PCLO: variants seen among roughly 807,000 people sequenced by gnomAD.
PCLO encodes the protein piccolo presynaptic cytomatrix protein.
In PCLO, 82 loss-of-function variants were observed where a neutral mutation model predicts 427.5. The observed-to-expected ratio is 0.19, with a 90% CI of 0.16 to 0.23. PCLO has a LOEUF of 0.23. Ranked by LOEUF, PCLO falls within the 10% of genes least tolerant of loss-of-function variation. The probability of loss-of-function intolerance (pLI) is 1.00; values close to 1 mark genes in which losing one functional copy is unlikely to be tolerated. For missense variants in PCLO, 6,239 were observed against 6,115.9 expected (o/e 1.02, Z -0.67); for synonymous variants, 2,357 against 2,155.4 (o/e 1.09, Z -2.59).
intron 9 of PCLO, among the ~76,000 whole-genome samples, chr7:82,881,876 C>T (rs112802945): frequency 2.0e-5 from 3 of 152,050 alleles, no homozygotes; most frequent in Non-Finnish European, 4.4e-5. Flanking sequence ...CTCCTAGGCT[C>T]AAGTGACCCT....
chr7:83,114,954 C>A (rs561727377), intron 3 of PCLO, among the ~76,000 whole-genome samples: 1 of 152,046 alleles, frequency 6.6e-6, no homozygotes, highest in Non-Finnish European at 1.5e-5. Context: ...TTAGATAATA[C>A]CTGCATAGTT....
At chr7:83,043,016 T>C (rs1397680048) in intron 3 of PCLO, among the ~76,000 whole-genome samples, 1 of 152,174 alleles carries the variant, frequency 6.6e-6, no homozygotes, top group Non-Finnish European at 1.5e-5. Flanking sequence ...ACTACTGAGA[T>C]TTGGGGTTGA....
At position 82,916,008 on chromosome 7, in the gene PCLO, G is replaced by A. The variant is rs745597764; in HGVS notation, c.11978C>T (p.Thr3993Met). 12 of 1,612,548 alleles carry A rather than the reference G, an allele frequency of 7.4e-6. No homozygotes were observed. Among genetic ancestry groups the A allele is most frequent in the East Asian group, 4.5e-5 (2 of 44,864 alleles). ...ATGGGAAACAGCAAATGTGTTATCCGTAGAAACAGGTGCTATCATAAGGGG... is the reference window on the plus strand; with the variant it reads ...ATGGGAAACAGCAAATGTGTTATCCATAGAAACAGGTGCTATCATAAGGGG... ...NQPLMIAPVS[T>M]DNTFAVSHLG... Residue 3993 changes from threonine to methionine, a missense_variant, in exon 7 of 25, where the codon ACG (threonine) becomes ATG (methionine). Thr to Met is a moderately conservative substitution (Grantham distance 81). This residue lies in a region of PCLO where 680 missense variants were observed against 677.3 expected (regional missense o/e 1.00). Transcript: ENST00000333891.
rs540606670 is a variant in PCLO at position 82,902,624 on chromosome 7, A to T, written c.13528+27T>A. 3 of 1,322,654 alleles carry T rather than the reference A, an allele frequency of 2.3e-6. No homozygotes were observed. The Admixed American group carries it at 6.1e-5, about 27-fold the overall frequency. The allele number at this position is 1,322,654 out of a possible 1,614,324, so 81.9% of individuals were successfully genotyped here. A position where few individuals can be genotyped will look rare whatever the true frequency, so the allele number is the denominator to read the frequency against. ...CAAAACAAAACAAAAAAACAAAAAA[A>T]ATATTAGATTATATGATTTGCTTTA... is the stretch of plus-strand genomic sequence containing the variant. On this transcript the variant is annotated intron_variant, in intron 9 of 24. Coordinates refer to ENST00000333891, the MANE Select transcript of PCLO (RefSeq NM_033026.6).
chr7:83,064,692 T>C (rs754931718), intron 3 of PCLO, among the ~76,000 whole-genome samples: 1 of 152,046 alleles, frequency 6.6e-6, no homozygotes, highest in African/African-American at 2.4e-5. Flanking sequence ...CACCTATTAA[T>C]GTGTCTCTGA....
intron 3 of PCLO, among the ~76,000 whole-genome samples, chr7:83,090,908 A>T (rs1790361514): frequency 2.0e-5 from 3 of 152,056 alleles, no homozygotes; most frequent in Admixed American, 6.6e-5. Context: ...TTTGATTAGT[A>T]ACGAAGCCAC....
At position 83,156,189 on chromosome 7, in the gene PCLO, C is replaced by T; in HGVS notation, c.452G>A (p.Ser151Asn). 2 of 1,613,722 alleles carry T rather than the reference C, an allele frequency of 1.2e-6. No individual in the cohort carries two copies. Among genetic ancestry groups the T allele is most frequent in the Non-Finnish European group, 8.5e-7 (1 of 1,179,754 alleles). Residue 151 changes from serine (S) to asparagine (N), a missense_variant, in exon 2 of 25, where the codon AGT becomes AAT. Around this residue, in one of 5 missense-constraint regions of PCLO, gnomAD observed 4,677 missense variants for 4,468.4 expected, o/e 1.05. Transcript: ENST00000333891. Reference sequence around the variant, plus strand: ...CTCTGAGAGGAAGCCAGGCATCATACTAGACTTGTGCTCTTCCTTTAAATC... The same window carrying T: ...CTCTGAGAGGAAGCCAGGCATCATATTAGACTTGTGCTCTTCCTTTAAATC... ...RTDLKEEHKSSMMPGFLSEVN... is the reference protein window; with the variant it reads ...RTDLKEEHKSNMMPGFLSEVN...
chr7:83,043,421 T>C (rs1254700182), intron 3 of PCLO, among the ~76,000 whole-genome samples: 3 of 152,202 alleles, frequency 2.0e-5, no homozygotes, highest in Non-Finnish European at 2.9e-5. Flanking sequence ...ATGCAATGCA[T>C]AAGCTCATTT....
chr7:83,072,747 G>A (rs1055563701), intron 3 of PCLO, among the ~76,000 whole-genome samples: 6 of 151,966 alleles, frequency 3.9e-5, no homozygotes, highest in African/African-American at 1.4e-4. Context: ...GTATTCCTCT[G>A]TATCTATACA....
intron 3 of PCLO, among the ~76,000 whole-genome samples, chr7:83,019,490 C>G (rs1364660294): frequency 6.6e-6 from 1 of 151,128 alleles, no homozygotes; most frequent in South Asian, 2.1e-4. Context: ...TAAATTTATA[C>G]AAAGAGTATC....
At chr7:82,892,239 A>T (rs763810132) in intron 9 of PCLO, among the ~76,000 whole-genome samples, 1 of 152,166 alleles carries the variant, frequency 6.6e-6, no homozygotes, top group Non-Finnish European at 1.5e-5. Context: ...ATATAGATCA[A>T]TGTAACAGGA....
chr7:82,916,688 T>C lies in PCLO; in HGVS notation c.11298A>G (p.Ile3766Met), dbSNP rs781496133. The C allele has an allele frequency of 6.2e-7, 1 of 1,613,556 alleles. No homozygotes were observed. Among genetic ancestry groups the C allele is most frequent in the Non-Finnish European group, 8.5e-7 (1 of 1,179,738 alleles). ...TTTCCACAAGATCAAGCTCTCTGTC[T>C]ATGTCCTGGAGAATCTTGGCTCGTG... ...TMARAKILQD[I>M]DRELDLVERE... Residue 3766 changes from isoleucine (I) to methionine (M), a missense_variant, in exon 7 of 25, where the codon ATA (isoleucine) becomes ATG (methionine). By Grantham distance (10) the Ile-to-Met change is conservative. Around this residue, in one of 5 missense-constraint regions of PCLO, gnomAD observed 4,677 missense variants for 4,468.4 expected, o/e 1.05. Coordinates refer to ENST00000333891, the MANE Select transcript of PCLO (RefSeq NM_033026.6).
intron 13 of PCLO, among the ~76,000 whole-genome samples, 160 bp from the exon 14 acceptor site, chr7:82,841,669 G>A (rs1584035500): frequency 6.6e-6 from 1 of 151,820 alleles, no homozygotes; most frequent in Non-Finnish European, 1.5e-5. Context: ...GTCTACTTAC[G>A]GTTCTCAATA....
At chr7:82,985,207 T>C (rs1796231496) in intron 3 of PCLO, among the ~76,000 whole-genome samples, 1 of 152,048 alleles carries the variant, frequency 6.6e-6, no homozygotes, top group Admixed American at 6.6e-5. Context: ...GAAAAGCAAT[T>C]ATAATGGCAC....
chr7:82,862,147 A>C (rs2115919817), intron 10 of PCLO, among the ~76,000 whole-genome samples: 1 of 152,190 alleles, frequency 6.6e-6, no homozygotes, highest in East Asian at 1.9e-4. Flanking sequence ...ATAAAAATAC[A>C]AAAGCTCAAC....
At chr7:82,890,176 C>T (rs1198651797) in intron 9 of PCLO, among the ~76,000 whole-genome samples, 4 of 151,930 alleles carry the variant, frequency 2.6e-5, no homozygotes, top group African/African-American at 9.7e-5. Context: ...CCTTTGAGAT[C>T]TCTAGCTATA....
rs1787769836 is a variant in PCLO at position 82,999,852 on chromosome 7, TA to T, written c.3301-33366del. ...AATATTAAATATAAAATATAATATA[TA>T]ATATTATATAAAATATAATATATAA... On this transcript the variant is annotated intron_variant, in intron 3 of 24. Transcript: ENST00000333891. Among the ~76,000 whole-genome samples, 2 of 49,556 alleles carry T rather than the reference TA, an allele frequency of 4.0e-5. 1 individual carries two copies. The highest frequency in any genetic ancestry group is 5.9e-5 in the Non-Finnish European group (2 of 33,620). The allele number at this position is 49,556 out of a possible 152,430, so 32.5% of individuals were successfully genotyped here.
In PCLO at chr7:82,915,114, G is replaced by A. The variant is rs776270082; in HGVS notation, c.12872C>T (p.Pro4291Leu). ...ATAGACAGAGGAAGGTCTGGAGGAAGGTCTGGACCTGCTGCCACTACTGTA... is the reference window on the plus strand; with the variant it reads ...ATAGACAGAGGAAGGTCTGGAGGAAAGTCTGGACCTGCTGCCACTACTGTA... ...KPYSSGSRSR[P>L]SSRPSSVYGL... Residue 4291 changes from proline to leucine, a missense_variant, in exon 7 of 25, where the codon CCT becomes CTT. Around this residue, in one of 5 missense-constraint regions of PCLO, gnomAD observed 680 missense variants for 677.3 expected, o/e 1.00. Coordinates refer to ENST00000333891, the MANE Select transcript of PCLO (RefSeq NM_033026.6). 3 of 1,592,492 alleles carry A rather than the reference G, an allele frequency of 1.9e-6. No homozygotes were observed. The South Asian group carries it at 3.4e-5, about 18-fold the overall frequency.
chr7:82,970,196 G>A (rs978123921), intron 3 of PCLO, among the ~76,000 whole-genome samples: 3 of 152,008 alleles, frequency 2.0e-5, no homozygotes, highest in African/African-American at 7.2e-5. Flanking sequence ...TTGCTTAGCT[G>A]TAAGGTAATG....
Sources: gnomAD v4.1 joint callset for allele counts (sites outside exome capture counted in the v4.1 genomes callset) on GRCh38, gnomAD v4.1.1 for gene constraint, gnomAD v4.1.1 regional missense constraint, MANE v1.5 for transcripts, NCBI Gene and HGNC (gene_info 2026-07-23, HGNC 2026-07-21) for gene names.